Variants in GPC5 observed in about 807,000 individuals in gnomAD.
GPC5 encodes the protein glypican-5.
In GPC5, 47 loss-of-function variants were observed where a neutral mutation model predicts 53.9. The observed-to-expected ratio is 0.87, with a 90% CI of 0.69 to 1.11. The LOEUF is 1.11. Among genes scored for constraint, GPC5 ranks in the 50% most tolerant of loss-of-function variants. The probability of loss-of-function intolerance (pLI) is 0.00; values close to 1 mark genes in which losing one functional copy is unlikely to be tolerated. For synonymous variants in GPC5, 286 were observed against 263.3 expected (o/e 1.09, Z -0.84); for missense variants, 748 against 713.1 (o/e 1.05, Z -0.56).
chr13:92,864,921 C>A (rs1200385246), intron 7 of GPC5, among the ~76,000 whole-genome samples: 3 of 151,964 alleles, frequency 2.0e-5, no homozygotes, highest in Admixed American at 1.3e-4. Flanking sequence ...GAAGTTTATT[C>A]TTTCAATCTC....
At chr13:92,420,998 A>G (rs999118350) in intron 7 of GPC5, among the ~76,000 whole-genome samples, 1 of 152,212 alleles carries the variant, frequency 6.6e-6, no homozygotes, top group Admixed American at 6.5e-5. Context: ...CCACAAATGG[A>G]ATGATACCAG....
intron 7 of GPC5, among the ~76,000 whole-genome samples, chr13:92,470,172 G>A (rs999085016): frequency 6.6e-6 from 1 of 151,992 alleles, no homozygotes; most frequent in East Asian, 1.9e-4. Context: ...AATTATAGGA[G>A]GAAAGATGAA....
At chr13:92,253,263 G>A (rs185267444) in intron 7 of GPC5, among the ~76,000 whole-genome samples, 13 of 152,204 alleles carry the variant, frequency 8.5e-5, no homozygotes. Flanking sequence ...CTAGACAACT[G>A]TGGACTGGGA....
chr13:91,935,220 A>C (rs905398279), intron 6 of GPC5, among the ~76,000 whole-genome samples: 2 of 152,026 alleles, frequency 1.3e-5, no homozygotes, highest in African/African-American at 4.8e-5. Context: ...TGAATTGCTA[A>C]TCATTTGGCT....
intron 7 of GPC5, among the ~76,000 whole-genome samples, chr13:92,225,982 G>A (rs545845448): frequency 6.6e-6 from 1 of 152,232 alleles, no homozygotes; most frequent in Admixed American, 6.5e-5. Flanking sequence ...AACCCCACTT[G>A]TCAGAGGAGA....
chr13:92,166,863 T>A (rs2042031201), intron 7 of GPC5, among the ~76,000 whole-genome samples: 1 of 151,394 alleles, frequency 6.6e-6, no homozygotes, highest in South Asian at 2.1e-4. Flanking sequence ...AATAATAGCT[T>A]TGGTTCTGTT....
At chr13:92,077,827 GA>G (rs1271860460) in intron 6 of GPC5, among the ~76,000 whole-genome samples, 1 of 152,146 alleles carries the variant, frequency 6.6e-6, no homozygotes, top group African/African-American at 2.4e-5. Flanking sequence ...ACTTTGAAAA[GA>G]AATGAAGCTG....
At chr13:92,459,290 G>T (rs1043564673) in intron 7 of GPC5, among the ~76,000 whole-genome samples, 6 of 152,150 alleles carry the variant, frequency 3.9e-5, no homozygotes, top group Non-Finnish European at 5.9e-5. Flanking sequence ...CAAGCTATGA[G>T]TTAGGGAGAC....
chr13:91,874,974 T>A (rs74987090), intron 5 of GPC5, among the ~76,000 whole-genome samples: 35 of 152,256 alleles, frequency 2.3e-4, no homozygotes, highest in African/African-American at 6.5e-4. Context: ...GAGCTGGAGA[T>A]CTCCTGTGAC....
At chr13:91,432,519 G>A (rs56041976) in intron 1 of GPC5, among the ~76,000 whole-genome samples, 6,577 of 152,190 alleles carry the variant, frequency 0.043, 186 homozygotes, top group South Asian at 0.13. Flanking sequence ...TACCATTTAT[G>A]TATATGAGGG....
intron 2 of GPC5, among the ~76,000 whole-genome samples, chr13:91,538,003 A>G (rs981903119): frequency 3.3e-5 from 5 of 152,230 alleles, no homozygotes; most frequent in East Asian, 1.9e-4. Context: ...TGAACTGACA[A>G]ATAAAATGTG....
At chr13:92,815,827 G>T (rs1420521037) in intron 7 of GPC5, among the ~76,000 whole-genome samples, 2 of 151,896 alleles carry the variant, frequency 1.3e-5, no homozygotes, top group Non-Finnish European at 2.9e-5. Flanking sequence ...TCAAGGCTTG[G>T]AACCGAGTCA....
Position 92,432,472 on chromosome 13 carries a change from C to T in GPC5, c.1561+287483C>T, listed in dbSNP as rs1205810069. Among the ~76,000 whole-genome samples, 4 of 150,132 alleles carry T rather than the reference C, an allele frequency of 2.7e-5. No homozygotes were observed. The East Asian group carries it at 6.0e-4, about 22-fold the overall frequency. On this transcript the variant is annotated intron_variant, in intron 7 of 7. Transcript: ENST00000377067. ...GTTCATGCCTTTCTCCTGCCTCAAC[C>T]TCCCATTTTCAACTCATGGTCAAGT...
At chr13:92,073,574 G>T (rs2041229825) in intron 6 of GPC5, among the ~76,000 whole-genome samples, 1 of 152,190 alleles carries the variant, frequency 6.6e-6, no homozygotes, top group Non-Finnish European at 1.5e-5. Context: ...ATTGCCTGCT[G>T]CAGGATGATG....
chr13:92,167,432 AG>A (rs2139016004), intron 7 of GPC5, among the ~76,000 whole-genome samples: 1 of 152,296 alleles, frequency 6.6e-6, no homozygotes, highest in South Asian at 2.1e-4. Flanking sequence ...AATGAGTAAA[AG>A]CAATGCAAAT....
chr13:92,475,084 G>A (rs1234041383), intron 7 of GPC5, among the ~76,000 whole-genome samples: 1 of 152,092 alleles, frequency 6.6e-6, no homozygotes, highest in African/African-American at 2.4e-5. Flanking sequence ...TGGAGGCAAG[G>A]ACACAGGAAC....
intron 2 of GPC5, among the ~76,000 whole-genome samples, chr13:91,571,446 C>T (rs1220398483): frequency 2.0e-5 from 3 of 151,900 alleles, no homozygotes; most frequent in Non-Finnish European, 2.9e-5. Flanking sequence ...GTAAGGATGC[C>T]TCAAACTGAC....
In GPC5 at chr13:91,906,512, A is replaced by G. The variant is rs202246874; in HGVS notation, c.1281-1425A>G. On this transcript the variant is annotated intron_variant, in intron 5 of 7. Coordinates refer to ENST00000377067, the MANE Select transcript of GPC5 (RefSeq NM_004466.6). Reference sequence around the variant, plus strand: ...CTGCCAGGCAAATAAGAGTATTTATATTGCTGAAATCTATGGTTTTTTAAA... The same window carrying G: ...CTGCCAGGCAAATAAGAGTATTTATGTTGCTGAAATCTATGGTTTTTTAAA... 2.2e-4 allele frequency among the ~76,000 whole-genome samples: 34 copies of G among 152,198 alleles called. No individual in the cohort carries two copies. In the East Asian group the frequency reaches 5.8e-3, roughly 26 times the overall value.
At chr13:92,838,259 C>T (rs1230197508) in intron 7 of GPC5, among the ~76,000 whole-genome samples, 1 of 151,692 alleles carries the variant, frequency 6.6e-6, no homozygotes, top group Non-Finnish European at 1.5e-5. Context: ...CCGCGGAGGG[C>T]GGATCACGAG....
Sources: gnomAD v4.1 joint callset for allele counts (sites outside exome capture counted in the v4.1 genomes callset) on GRCh38, gnomAD v4.1.1 for gene constraint, MANE v1.5 for transcripts, NCBI Gene and HGNC (gene_info 2026-07-23, HGNC 2026-07-21) for gene names.